MSRA: variants seen among roughly 807,000 people sequenced by gnomAD.
MSRA encodes the protein mitochondrial peptide methionine sulfoxide reductase.
MSRA carries 54 observed loss-of-function variants against 31.3 expected under a neutral mutation model. That is an observed-to-expected ratio of 1.73 (90% confidence interval 1.39 to 2.17). MSRA has a LOEUF of 2.17. MSRA is among the 30% of genes most tolerant of loss of function. MSRA has a pLI of 0.00. For missense variants in MSRA, 507 were observed against 300.9 expected (o/e 1.69, Z -5.07); for synonymous variants, 169 against 116.5 (o/e 1.45, Z -2.90).
chr8:10,263,724 A>C (rs1798600746), intron 3 of MSRA, among the ~76,000 whole-genome samples: 1 of 152,192 alleles, frequency 6.6e-6, no homozygotes, highest in South Asian at 2.1e-4. Context: ...GGAATAGGGA[A>C]AGAGCTGAGT....
At chr8:10,404,282 G>A (rs1029611555) in intron 5 of MSRA, among the ~76,000 whole-genome samples, 25 of 152,120 alleles carry the variant, frequency 1.6e-4, no homozygotes, top group Non-Finnish European at 2.8e-4. Flanking sequence ...CCCACCTCCA[G>A]AGAAGCGTCC....
intron 2 of MSRA, 59 bp from the exon 3 acceptor site, chr8:10,245,045 C>A: frequency 1.9e-6 from 3 of 1,565,940 alleles, no homozygotes; most frequent in Non-Finnish European, 2.6e-6. Context: ...TGTGGATGTG[C>A]AATGACCACT....
chr8:10,277,580 G>A (rs1440748689), intron 3 of MSRA, among the ~76,000 whole-genome samples: 1 of 152,194 alleles, frequency 6.6e-6, no homozygotes, highest in African/African-American at 2.4e-5. Context: ...TCTGTATGGA[G>A]TAGGTAGTAT....
intron 3 of MSRA, among the ~76,000 whole-genome samples, chr8:10,293,537 A>G (rs1444781062): frequency 1.3e-5 from 2 of 151,946 alleles, no homozygotes; most frequent in African/African-American, 4.8e-5. Context: ...AGCCTCCCCC[A>G]CTTGATATTT....
At chr8:10,334,894 G>T (rs1409433934) in intron 5 of MSRA, among the ~76,000 whole-genome samples, 1 of 152,190 alleles carries the variant, frequency 6.6e-6, no homozygotes, top group Non-Finnish European at 1.5e-5. Flanking sequence ...CCGCTGCCTC[G>T]GCCCACGTGA....
At chr8:10,386,373 G>T (rs1295521249) in intron 5 of MSRA, among the ~76,000 whole-genome samples, 4 of 152,264 alleles carry the variant, frequency 2.6e-5, no homozygotes, top group Non-Finnish European at 5.9e-5. Flanking sequence ...AAGGAATGGG[G>T]CAGGGGTGAT....
Position 10,054,309 on chromosome 8 carries a change from G to A in MSRA, c.-208G>A, listed in dbSNP as rs1802155094. ...CACCCCCTGTCCAGGGAAGGAACAC[G>A]CCCCCGGTGACAGCCGGTACGGCCC... is the stretch of plus-strand genomic sequence containing the variant. On this transcript the variant is annotated 5_prime_UTR_variant, in exon 1 of 6. Transcript: ENST00000317173. 1.3e-5 allele frequency: 5 copies of A among 375,582 alleles called. No homozygotes were observed. Among genetic ancestry groups the A allele is most frequent in the Non-Finnish European group, 2.3e-5 (5 of 219,002 alleles). 23.3% of individuals were successfully genotyped at this position (375,582 alleles called of 1,614,324 possible).
chr8:10,162,667 C>T (rs1279672371), intron 1 of MSRA, among the ~76,000 whole-genome samples: 11 of 152,148 alleles, frequency 7.2e-5, no homozygotes, highest in African/African-American at 2.2e-4. Flanking sequence ...TTAGTGCCCA[C>T]GATTTCTTAA....
intron 1 of MSRA, among the ~76,000 whole-genome samples, chr8:10,118,667 C>T (rs1480968277): frequency 6.6e-6 from 1 of 152,144 alleles, no homozygotes; most frequent in Admixed American, 6.5e-5. Flanking sequence ...CTCCTTACCG[C>T]TGCCCCTGGC....
At chr8:10,228,799 C>T (rs1391505267) in intron 2 of MSRA, among the ~76,000 whole-genome samples, 1 of 152,178 alleles carries the variant, frequency 6.6e-6, no homozygotes, top group East Asian at 1.9e-4. Flanking sequence ...AGGGTTATCA[C>T]CGGATTCCAC....
At chr8:10,357,444 C>T (rs1804572903) in intron 5 of MSRA, among the ~76,000 whole-genome samples, 1 of 152,196 alleles carries the variant, frequency 6.6e-6, no homozygotes, top group Admixed American at 6.5e-5. Context: ...ATTATGAACT[C>T]ATGGATTTAC....
intron 1 of MSRA, among the ~76,000 whole-genome samples, chr8:10,089,225 T>C (rs1323318509): frequency 1.3e-5 from 2 of 152,240 alleles, no homozygotes; most frequent in Admixed American, 6.5e-5. Context: ...GCCATCTATA[T>C]GCATCCCGTA....
chr8:10,316,562 CT>C (rs1425593207), intron 4 of MSRA, among the ~76,000 whole-genome samples: 2 of 108,542 alleles, frequency 1.8e-5, no homozygotes, highest in Non-Finnish European at 3.9e-5. Flanking sequence ...CTCTCTCTCT[CT>C]CTCTCTCTCT....
At chr8:10,278,918 G>C (rs916750453) in intron 3 of MSRA, among the ~76,000 whole-genome samples, 3 of 152,178 alleles carry the variant, frequency 2.0e-5, no homozygotes, top group Non-Finnish European at 4.4e-5. Context: ...GCACCATGTA[G>C]GTGGTAGTCA....
intron 2 of MSRA, among the ~76,000 whole-genome samples, chr8:10,213,949 T>C (rs1809751758): frequency 6.6e-6 from 1 of 152,044 alleles, no homozygotes; most frequent in Non-Finnish European, 1.5e-5. Flanking sequence ...ACCTTAATGT[T>C]GATAAATTGA....
intron 5 of MSRA, among the ~76,000 whole-genome samples, chr8:10,351,704 T>C (rs1369656760): frequency 6.6e-6 from 1 of 152,242 alleles, no homozygotes; most frequent in African/African-American, 2.4e-5. Flanking sequence ...AGACTTGTGG[T>C]GTGGATTCAA....
intron 1 of MSRA, among the ~76,000 whole-genome samples, chr8:10,169,028 T>A (rs1805379048): frequency 6.6e-6 from 1 of 152,230 alleles, no homozygotes; most frequent in Non-Finnish European, 1.5e-5. Context: ...TAAGTACTTT[T>A]GCATTCGTAT....
At chr8:10,353,961 A>C (rs563629827) in intron 5 of MSRA, 1 of 179,570 alleles carries the variant, frequency 5.6e-6, no homozygotes, top group East Asian at 1.6e-4. Context: ...AAGAGAGCTA[A>C]AATGAACTTT....
chr8:10,154,179 C>G (rs182791351), intron 1 of MSRA, among the ~76,000 whole-genome samples: 1 of 152,262 alleles, frequency 6.6e-6, no homozygotes, highest in East Asian at 1.9e-4. Context: ...GGGAATTTGT[C>G]AAACGCAGTC....
Sources: gnomAD v4.1 joint callset for allele counts (sites outside exome capture counted in the v4.1 genomes callset) on GRCh38, gnomAD v4.1.1 for gene constraint, MANE v1.5 for transcripts, NCBI Gene and HGNC (gene_info 2026-07-23, HGNC 2026-07-21) for gene names.